Variants in CBX5 observed in about 807,000 individuals in gnomAD.
CBX5 encodes the protein chromobox 5, also known as chromobox protein homolog 5.
CBX5 carries 7 observed loss-of-function variants against 20.7 expected under a neutral mutation model. That is an observed-to-expected ratio of 0.34 (90% confidence interval 0.19 to 0.63). The LOEUF (loss-of-function observed/expected upper bound fraction) is 0.63, where lower values mean the gene tolerates loss of function less well. Ranked by LOEUF, CBX5 falls within the 30% of genes least tolerant of loss-of-function variation. The pLI, the probability that CBX5 is intolerant of heterozygous loss-of-function variation, is 0.75. For synonymous variants in CBX5, 78 were observed against 77.0 expected (o/e 1.01, Z -0.07); for missense variants, 110 against 224.1 (o/e 0.49, Z 3.25).
intron 1 of CBX5, among the ~76,000 whole-genome samples, chr12:54,264,459 T>C (rs558588327): frequency 6.6e-6 from 1 of 152,328 alleles, no homozygotes; most frequent in East Asian, 1.9e-4. Flanking sequence ...GTGGCTTTTC[T>C]TATCTTGTTA....
chr12:54,254,331 C>CAAAA (rs34812446), intron 2 of CBX5, among the ~76,000 whole-genome samples: 5 of 54,916 alleles, frequency 9.1e-5, no homozygotes, highest in South Asian at 6.8e-4. Flanking sequence ...AACTCCATCT[C>CAAAA]AAAAAAAAAA....
chr12:54,244,952 T>C (rs1943719308), intron 4 of CBX5, among the ~76,000 whole-genome samples: 1 of 151,974 alleles, frequency 6.6e-6, no homozygotes, highest in South Asian at 2.1e-4. Context: ...GGTCTTACAG[T>C]AAGTAATTCA....
intron 2 of CBX5, among the ~76,000 whole-genome samples, chr12:54,256,219 AGTTCC>A (rs1446837954): frequency 1.3e-5 from 2 of 152,186 alleles, no homozygotes; most frequent in Non-Finnish European, 2.9e-5. Flanking sequence ...GTGTTACTTT[AGTTCC>A]TATCTGTTAG....
chr12:54,240,664 A>G lies in CBX5; in HGVS notation c.*1091T>C, dbSNP rs1943667369. On this transcript the variant is annotated 3_prime_UTR_variant, in exon 5 of 5. Coordinates refer to ENST00000209875, the MANE Select transcript of CBX5 (RefSeq NM_012117.3). ...GGAGACATAACTGCTATGAACACTTAAAATTGATATTGTGGCCAACAGCTC... is the reference window on the plus strand; with the variant it reads ...GGAGACATAACTGCTATGAACACTTGAAATTGATATTGTGGCCAACAGCTC... 1 of 152,212 alleles carries G rather than the reference A, an allele frequency of 6.6e-6. No individual in the cohort carries two copies. The highest frequency in any genetic ancestry group is 2.1e-4 in the South Asian group (1 of 4,826). The allele number at this position is 152,212 out of a possible 1,614,324, so 9.4% of individuals were successfully genotyped here.
At chr12:54,273,810 C>A (rs1944033614) in intron 1 of CBX5, 1 of 152,162 alleles carries the variant, frequency 6.6e-6, no homozygotes, top group African/African-American at 2.4e-5. Flanking sequence ...GAATAAATTC[C>A]TCTTGTTTTA....
At chr12:54,250,543 C>G (rs1252272468) in intron 3 of CBX5, among the ~76,000 whole-genome samples, 1 of 152,046 alleles carries the variant, frequency 6.6e-6, no homozygotes, top group African/African-American at 2.4e-5. Context: ...CGGTGGCTCA[C>G]GCCTGTAATC....
intron 1 of CBX5, among the ~76,000 whole-genome samples, chr12:54,268,489 A>G (rs112690454): frequency 3.3e-5 from 5 of 152,208 alleles, no homozygotes; most frequent in African/African-American, 9.7e-5. Flanking sequence ...GATGTGTTAC[A>G]TGAGATTTTT....
intron 1 of CBX5, chr12:54,262,942 G>C (rs1943925064): frequency 6.6e-6 from 1 of 152,260 alleles, no homozygotes; most frequent in African/African-American, 2.4e-5. Flanking sequence ...GAAAGGGTGA[G>C]TAGCTTCTCA....
intron 1 of CBX5, among the ~76,000 whole-genome samples, chr12:54,264,349 G>A (rs1943940241): frequency 6.6e-6 from 1 of 152,138 alleles, no homozygotes; most frequent in African/African-American, 2.4e-5. Flanking sequence ...GTGAGATGCA[G>A]TCTCACTGTG....
intron 4 of CBX5, among the ~76,000 whole-genome samples, chr12:54,244,054 T>C (rs1592154134): frequency 6.6e-6 from 1 of 151,346 alleles, no homozygotes; most frequent in South Asian, 2.1e-4. Flanking sequence ...CAGGCTGGAG[T>C]GCAGTGACAG....
chr12:54,274,140 G>A (rs1390632337), intron 1 of CBX5: 1 of 152,164 alleles, frequency 6.6e-6, no homozygotes, highest in Non-Finnish European at 1.5e-5. Context: ...TAGAGCTCCT[G>A]GACAGACTAA....
chr12:54,248,919 C>T lies in CBX5; in HGVS notation c.325-2704G>A, dbSNP rs1475794521. Among the ~76,000 whole-genome samples the T allele has an allele frequency of 4.6e-5, 7 of 152,158 alleles. No homozygotes were observed. The East Asian group carries it at 1.3e-3, about 29-fold the overall frequency. ...GCTGTCTACCTGACAGCAGCCAGTA[C>T]TGCTAAGAATGCTATCAGGGGTCCC... On this transcript the variant is annotated intron_variant, in intron 3 of 4. Transcript: ENST00000209875.
intron 1 of CBX5, among the ~76,000 whole-genome samples, chr12:54,264,271 T>A (rs2137026408): frequency 6.6e-6 from 1 of 152,258 alleles, no homozygotes; most frequent in East Asian, 1.9e-4. Context: ...TCCTCTCACC[T>A]TGGCCTTCTG....
chr12:54,268,076 G>A (rs1325389748), intron 1 of CBX5, among the ~76,000 whole-genome samples: 2 of 152,108 alleles, frequency 1.3e-5, no homozygotes, highest in Non-Finnish European at 2.9e-5. Context: ...CCCGGGAGAC[G>A]GAGGTTACAG....
intron 1 of CBX5, among the ~76,000 whole-genome samples, chr12:54,265,364 T>G (rs1031004700): frequency 3.3e-5 from 5 of 152,228 alleles, no homozygotes; most frequent in African/African-American, 1.2e-4. Flanking sequence ...AACTAAAATA[T>G]CCCCTATAAA....
intron 1 of CBX5, among the ~76,000 whole-genome samples, chr12:54,267,101 A>T (rs1943964575): frequency 6.6e-6 from 1 of 152,184 alleles, no homozygotes; most frequent in Admixed American, 6.6e-5. Context: ...GGTGGGTGTT[A>T]ATCTCACATC....
intron 3 of CBX5, among the ~76,000 whole-genome samples, chr12:54,246,556 C>T (rs1032695817): frequency 1.3e-4 from 20 of 151,740 alleles, no homozygotes; most frequent in Admixed American, 5.3e-4. Flanking sequence ...CCAAGGCAGG[C>T]GAATCACAAG....
At chr12:54,275,089 G>A (rs867049009) in intron 1 of CBX5, among the ~76,000 whole-genome samples, 3 of 152,042 alleles carry the variant, frequency 2.0e-5, no homozygotes, top group Non-Finnish European at 2.9e-5. Flanking sequence ...AAATCCAGCC[G>A]CTTCAAATGT....
intron 3 of CBX5, among the ~76,000 whole-genome samples, chr12:54,249,698 T>C (rs1250174670): frequency 6.6e-6 from 1 of 152,130 alleles, no homozygotes; most frequent in Non-Finnish European, 1.5e-5. Context: ...AGAGTGTGTG[T>C]ATTTATGCGC....
Sources: allele counts gnomAD v4.1 joint callset (sites outside exome capture counted in the v4.1 genomes callset), GRCh38; gene constraint gnomAD v4.1.1; transcripts MANE v1.5; gene names NCBI Gene and HGNC (gene_info 2026-07-23, HGNC 2026-07-21).